Variants in TRIM39 observed in about 807,000 individuals in gnomAD.
TRIM39 encodes the protein tripartite motif containing 39, also known as E3 ubiquitin-protein ligase TRIM39.
A neutral mutation model predicts 53.6 loss-of-function variants in TRIM39; 5 were observed. The ratio of observed to expected loss-of-function variants is 0.09; its 90% confidence interval spans 0.05 to 0.20. The LOEUF (loss-of-function observed/expected upper bound fraction) is 0.20. Among genes scored for constraint, TRIM39 ranks in the 10% least tolerant of loss-of-function variants. The pLI, the probability that TRIM39 is intolerant of heterozygous loss-of-function variation, is 1.00. For missense variants in TRIM39, 310 were observed against 621.0 expected (o/e 0.50, Z 5.32); for synonymous variants, 196 against 237.6 (o/e 0.82, Z 1.61).
At chr6:30,329,850 C>A in intron 3 of TRIM39, 80 bp downstream of exon 3, 3 of 1,510,506 alleles carry the variant, frequency 2.0e-6, no homozygotes, top group South Asian at 2.6e-5. Flanking sequence ...AGGTAGAGAT[C>A]GTAAGCTCCT....
At chr6:30,329,322 C>A in exon 3 of TRIM39, 1 of 1,607,202 alleles carries the variant, frequency 6.2e-7, no homozygotes, top group South Asian at 1.1e-5. Context: ...TAAATTATGG[C>A]AGAGACAAGT....
intron 4 of TRIM39, among the ~76,000 whole-genome samples, chr6:30,334,896 A>AT (rs1388555773): frequency 4.0e-5 from 6 of 150,994 alleles, no homozygotes; most frequent in Non-Finnish European, 5.9e-5. Context: ...TGCCCGACTA[A>AT]TTTTTTTTTC....
chr6:30,342,732 CTCTCATGGGTCTAGATAT>C lies in TRIM39; in HGVS notation c.*475_*492del, dbSNP rs1787688729. On this transcript the variant is annotated 3_prime_UTR_variant, in exon 8 of 8. Transcript: ENST00000396551. This position sits in a 1 kb window ranked among gnomAD's most constrained non-coding sequence, Gnocchi z 4.7. ...ATTCATGAGAGATGAATGACAGATG[CTCTCATGGGTCTAGATAT>C]TGAGGAGTTTTTCTGAGGGCAGAGA... 5.5e-6 allele frequency: 1 copy of C among 182,060 alleles called. No individual in the cohort carries two copies. The highest frequency in any genetic ancestry group is 1.2e-5 in the Non-Finnish European group (1 of 86,694). The allele number at this position is 182,060 out of a possible 1,614,324, so 11.3% of individuals were successfully genotyped here.
At chr6:30,329,497 A>G (rs202059196) in exon 3 of TRIM39, 29 of 1,612,976 alleles carry the variant, frequency 1.8e-5, no homozygotes, top group Non-Finnish European at 1.4e-5. Flanking sequence ...GGGAGGACCT[A>G]GAGAGGGACT....
At chr6:30,328,197 G>T (rs1322158887) in intron 1 of TRIM39, among the ~76,000 whole-genome samples, 1 of 152,208 alleles carries the variant, frequency 6.6e-6, no homozygotes, top group Non-Finnish European at 1.5e-5. Flanking sequence ...GGACCTATAA[G>T]TTGGAGACAC....
rs559750852 is a variant in TRIM39, at chr6:30,338,065, C to T, written c.781-1843C>T. Among the ~76,000 whole-genome samples, 3 of 152,214 alleles carry T rather than the reference C, an allele frequency of 2.0e-5. No individual in the cohort carries two copies. The highest frequency in any genetic ancestry group is 4.4e-5 in the Non-Finnish European group (3 of 68,040). On this transcript the variant is annotated intron_variant, in intron 5 of 7. Transcript: ENST00000396551. This position sits in a 1 kb window ranked among gnomAD's most constrained non-coding sequence, Gnocchi z 4.0. The stretch of plus-strand genomic sequence containing the variant: ...GCTTTCATAGAACTGAAGGAGTTAA[C>T]AGCCTTGCTCTGGATTGGGCTTTGG...
chr6:30,337,451 G>A (rs951976814), intron 5 of TRIM39, among the ~76,000 whole-genome samples: 1 of 152,096 alleles, frequency 6.6e-6, no homozygotes, highest in Non-Finnish European at 1.5e-5. Context: ...GCTCACATCT[G>A]TAATCCCAGC....
chr6:30,340,302 C>T, intron 6 of TRIM39: 1 of 1,613,038 alleles, frequency 6.2e-7, no homozygotes, highest in Non-Finnish European at 8.5e-7. Context: ...GAGGCTCACT[C>T]TCAACGATCT....
chr6:30,329,566 A>G (rs1461739743), exon 3 of TRIM39: 4 of 1,613,152 alleles, frequency 2.5e-6, no homozygotes, highest in Non-Finnish European at 2.5e-6. Context: ...CTAATCGGCA[A>G]CTAGGCAGTA....
chr6:30,329,553 G>A (rs1785861402), exon 3 of TRIM39: 2 of 1,613,108 alleles, frequency 1.2e-6, no homozygotes, highest in Non-Finnish European at 1.7e-6. Context: ...CGCAGTCTCC[G>A]ACCTAATCGG....
At chr6:30,343,115 A>T (rs1323387675) in exon 8 of TRIM39, 3 of 152,680 alleles carry the variant, frequency 2.0e-5, no homozygotes, top group Non-Finnish European at 4.4e-5. Context: ...CTTGGAAAGG[A>T]GAGTCAGGTA....
rs1258629829 is a variant in TRIM39, at chr6:30,339,118, C to G, written c.781-790C>G. Among the ~76,000 whole-genome samples, 1 of 151,520 alleles carries G rather than the reference C, an allele frequency of 6.6e-6. No homozygotes were observed. Among genetic ancestry groups the G allele is most frequent in the Non-Finnish European group, 1.5e-5 (1 of 67,940 alleles). On this transcript the variant is annotated intron_variant, in intron 5 of 7. Coordinates refer to ENST00000396551, the Ensembl canonical transcript of TRIM39. This position sits in a 1 kb window ranked among gnomAD's most constrained non-coding sequence, Gnocchi z 4.2. Reference sequence around the variant, plus strand: ...TTCTGGACCCCAAGTATTCACAAATCAGTATTAGCACACAGTTATTAATGT... The same window carrying G: ...TTCTGGACCCCAAGTATTCACAAATGAGTATTAGCACACAGTTATTAATGT...
At chr6:30,343,661 C>G (rs1451305029) in exon 8 of TRIM39, 1 of 152,670 alleles carries the variant, frequency 6.6e-6, no homozygotes, top group Non-Finnish European at 1.5e-5. Flanking sequence ...TGTGCCTTGA[C>G]TGTGGTTCTT....
intron 2 of TRIM39, 95 bp from the exon 3 acceptor site, chr6:30,329,216 A>G: frequency 1.4e-6 from 2 of 1,380,022 alleles, no homozygotes; most frequent in South Asian, 2.8e-5. Context: ...GACTTAACAT[A>G]GGGATAAATG....
intron 5 of TRIM39, among the ~76,000 whole-genome samples, chr6:30,336,980 G>A (rs1001796252): frequency 1.3e-5 from 2 of 152,172 alleles, no homozygotes; most frequent in African/African-American, 4.8e-5. Context: ...TTGTGTTAGC[G>A]GACGTGAAAA....
At chr6:30,328,482 A>G (rs2127383353) in intron 1 of TRIM39, among the ~76,000 whole-genome samples, 1 of 152,348 alleles carries the variant, frequency 6.6e-6, no homozygotes, top group South Asian at 2.1e-4. Context: ...TCCTGAAAAG[A>G]GGAGGTTGCC....
At chr6:30,330,148 T>C (rs1476305010) in intron 3 of TRIM39, among the ~76,000 whole-genome samples, 1 of 152,240 alleles carries the variant, frequency 6.6e-6, no homozygotes, top group Non-Finnish European at 1.5e-5. Flanking sequence ...CACTGGTTAT[T>C]GGGCATAGGT....
rs1786719229 is a variant in TRIM39, at chr6:30,335,309, GTCTT to G, written c.550-432_550-429del. On this transcript the variant is annotated intron_variant, in intron 4 of 7. Transcript: ENST00000396551. The surrounding 1 kb of genome is among the most constrained non-coding windows in gnomAD (Gnocchi z 4.7). ...CTTTCTTTCTTTTCTTTCTGTCTTT[GTCTT>G]TCTGTCTTTCTTTCCTGTCTGTCTG... is the stretch of plus-strand genomic sequence containing the variant. 6.6e-6 allele frequency among the ~76,000 whole-genome samples: 1 copy of G among 151,680 alleles called. No homozygotes were observed. The highest frequency in any genetic ancestry group is 1.5e-5 in the Non-Finnish European group (1 of 67,926).
intron 4 of TRIM39, among the ~76,000 whole-genome samples, chr6:30,333,883 GAA>G (rs1205066434): frequency 6.6e-6 from 1 of 152,116 alleles, no homozygotes; most frequent in Non-Finnish European, 1.5e-5. Flanking sequence ...GAAAAAAAGA[GAA>G]AAGATTACCG....
Sources: allele counts gnomAD v4.1 joint callset (sites outside exome capture counted in the v4.1 genomes callset), GRCh38; gene constraint gnomAD v4.1.1; non-coding constraint Gnocchi (gnomAD v3.1); transcripts MANE v1.5; gene names NCBI Gene and HGNC (gene_info 2026-07-23, HGNC 2026-07-21).